CDH2: variants seen among roughly 807,000 people sequenced by gnomAD.
The protein encoded by CDH2 is cadherin 2.
CDH2 carries 17 observed loss-of-function variants against 92.0 expected under a neutral mutation model. The observed-to-expected ratio is 0.18, with a 90% CI of 0.13 to 0.28. CDH2 has a LOEUF of 0.28. Ranked by LOEUF, CDH2 falls within the 10% of genes least tolerant of loss-of-function variation. The pLI, the probability that CDH2 is intolerant of heterozygous loss-of-function variation, is 1.00. For missense variants in CDH2, 862 were observed against 1,133.1 expected, an observed-to-expected ratio of 0.76 and a Z score of 3.44; for synonymous variants, 419 against 415.9, an observed-to-expected ratio of 1.01 and a Z score of -0.09.
At chr18:27,952,550 T>A (rs1413485886) in intron 15 of CDH2, among the ~76,000 whole-genome samples, 191 bp from the exon 16 acceptor site, 1 of 152,102 alleles carries the variant, frequency 6.6e-6, no homozygotes, top group African/African-American at 2.4e-5. Context: ...TTAACTTATA[T>A]CTTTCCGGTG....
chr18:28,105,306 T>C (rs563308522), intron 2 of CDH2, among the ~76,000 whole-genome samples: 1 of 152,286 alleles, frequency 6.6e-6, no homozygotes, highest in Non-Finnish European at 1.5e-5. Context: ...AAGGTACCTT[T>C]CAATTAATGC....
At chr18:27,956,743 C>G (rs975794188) in intron 15 of CDH2, among the ~76,000 whole-genome samples, 1 of 152,088 alleles carries the variant, frequency 6.6e-6, no homozygotes, top group African/African-American at 2.4e-5. Flanking sequence ...GTTCCCCCGA[C>G]AATGGGCAAA....
chr18:28,176,609 G>A (rs1311732655), intron 1 of CDH2, among the ~76,000 whole-genome samples: 6 of 152,112 alleles, frequency 3.9e-5, no homozygotes, highest in African/African-American at 9.7e-5. Context: ...AGGGGCGAAA[G>A]GCACAGAAAA....
intron 2 of CDH2, among the ~76,000 whole-genome samples, chr18:28,015,392 G>A (rs1599035063): frequency 6.6e-6 from 1 of 152,096 alleles, no homozygotes; most frequent in Admixed American, 6.6e-5. Context: ...TGGAGTAGAA[G>A]TATCCCAAAA....
chr18:28,000,713 G>A (rs1194661014), intron 7 of CDH2, among the ~76,000 whole-genome samples: 1 of 152,050 alleles, frequency 6.6e-6, no homozygotes, highest in Non-Finnish European at 1.5e-5. Flanking sequence ...ACACCTTTAG[G>A]TCTGGAGAAG....
intron 9 of CDH2, among the ~76,000 whole-genome samples, chr18:27,991,087 A>C (rs1243368341): frequency 6.6e-6 from 1 of 152,220 alleles, no homozygotes; most frequent in African/African-American, 2.4e-5. Flanking sequence ...TCATGTAAAT[A>C]CTAACTTCCA....
chr18:27,988,750 G>T, intron 10 of CDH2, 84 bp from the exon 11 acceptor site: 1 of 974,948 alleles, frequency 1.0e-6, no homozygotes, highest in Non-Finnish European at 1.6e-6. Flanking sequence ...AATGCAACTG[G>T]CTCATTAACT....
intron 6 of CDH2, among the ~76,000 whole-genome samples, chr18:27,942,131 A>G (rs977679714): frequency 2.6e-5 from 4 of 152,206 alleles, no homozygotes; most frequent in African/African-American, 7.2e-5. Flanking sequence ...TCTTACCCAC[A>G]TAAGTGTGTA....
At chr18:27,996,332 C>G (rs891182358) in intron 7 of CDH2, among the ~76,000 whole-genome samples, 2 of 152,080 alleles carry the variant, frequency 1.3e-5, no homozygotes, top group African/African-American at 2.4e-5. Context: ...GACAACCAAA[C>G]TCAGTACCGA....
rs568091687 is a variant in CDH2 at position 28,135,131 on chromosome 18, C to T, written c.172+12542G>A. Among the ~76,000 whole-genome samples the T allele has an allele frequency of 3.3e-5, 5 of 152,306 alleles. No individual in the cohort carries two copies. In the South Asian group the frequency reaches 8.3e-4, roughly 25 times the overall value. On this transcript the variant is annotated intron_variant, in intron 2 of 15. Transcript: ENST00000269141. Reference sequence around the variant, plus strand: ...GAAAATAGAAATGCCCCCTGTTCTACCTGACTCATAGGGTGTGGGACAGCT... The same window carrying T: ...GAAAATAGAAATGCCCCCTGTTCTATCTGACTCATAGGGTGTGGGACAGCT...
chr18:27,952,861 TATGAA>T, intron 15 of CDH2, among the ~76,000 whole-genome samples: 1 of 152,174 alleles, frequency 6.6e-6, no homozygotes, highest in East Asian at 1.9e-4. Flanking sequence ...GTGACAAAAC[TATGAA>T]GTCAAAGCAA....
At chr18:28,059,283 C>T (rs1055581795) in intron 2 of CDH2, among the ~76,000 whole-genome samples, 2 of 152,178 alleles carry the variant, frequency 1.3e-5, no homozygotes, top group African/African-American at 4.8e-5. Context: ...GAGAGTAGCA[C>T]TGATGACCTA....
chr18:27,952,373 A>G lies in CDH2; in HGVS notation c.2515-14T>C. The G allele has an allele frequency of 6.2e-7, 1 of 1,606,938 alleles. No individual in the cohort carries two copies. ...CGCTTTAAGGCCCTGCAATTTGGAA[A>G]CACAAAGAATGAAAGAATTAAGAGA... On this transcript the variant is annotated splice_polypyrimidine_tract_variant and intron_variant, in intron 15 of 15. Coordinates refer to ENST00000269141, the MANE Select transcript of CDH2 (RefSeq NM_001792.5).
At chr18:28,039,385 T>G (rs1340612746) in intron 2 of CDH2, among the ~76,000 whole-genome samples, 1 of 152,104 alleles carries the variant, frequency 6.6e-6, no homozygotes, top group Non-Finnish European at 1.5e-5. Context: ...CTCTTGGACT[T>G]GGGAGACTGG....
At chr18:28,021,536 T>C (rs10853680) in intron 2 of CDH2, among the ~76,000 whole-genome samples, 25,740 of 151,924 alleles carry the variant, frequency 0.17, 2,458 homozygotes, top group South Asian at 0.29. Flanking sequence ...GATGTAGTTA[T>C]TGTGTTCTAG....
At chr18:27,942,052 G>A (rs1189095414) in intron 6 of CDH2, among the ~76,000 whole-genome samples, 2 of 152,026 alleles carry the variant, frequency 1.3e-5, no homozygotes, top group Non-Finnish European at 1.5e-5. Context: ...TTTTAATAAT[G>A]GTAAAAAGTT....
chr18:28,001,361 T>C lies in CDH2; in HGVS notation c.1020+1636A>G, dbSNP rs146041829. Among the ~76,000 whole-genome samples, 415 of 152,348 alleles carry C rather than the reference T, an allele frequency of 2.7e-3. 1 individual carries two copies. Among genetic ancestry groups the C allele is most frequent in the Non-Finnish European group, 4.5e-3 (307 of 68,028 alleles). On this transcript the variant is annotated intron_variant, in intron 7 of 15. Transcript: ENST00000269141. ...TAAATGAGATAGGAATATTACCATA[T>C]GAAAACAGGATGAAGTCTCATTTCT...
intron 6 of CDH2, among the ~76,000 whole-genome samples, chr18:28,005,050 ATC>A (rs568263647): frequency 5.3e-5 from 8 of 152,320 alleles, no homozygotes; most frequent in Admixed American, 5.2e-4. Flanking sequence ...AGCTAATTAA[ATC>A]TCTCTGAACA....
At chr18:28,143,456 G>A (rs1227640135) in intron 2 of CDH2, among the ~76,000 whole-genome samples, 2 of 151,788 alleles carry the variant, frequency 1.3e-5, no homozygotes, top group African/African-American at 4.8e-5. Context: ...ATCTTCAAAA[G>A]CCCCAGGTTC....
Sources: gnomAD v4.1 joint callset for allele counts (sites outside exome capture counted in the v4.1 genomes callset) on GRCh38, gnomAD v4.1.1 for gene constraint, MANE v1.5 for transcripts, NCBI Gene and HGNC (gene_info 2026-07-23, HGNC 2026-07-21) for gene names.